RTBDN: variants seen among roughly 807,000 people sequenced by gnomAD.
RTBDN encodes the protein retbindin.
RTBDN carries 24 observed loss-of-function variants against 21.9 expected under a neutral mutation model. That is an observed-to-expected ratio of 1.10 (90% CI 0.79 to 1.54). The LOEUF (loss-of-function observed/expected upper bound fraction) is 1.54, where lower values mean the gene tolerates loss of function less well. RTBDN is among the 40% of genes most tolerant of loss of function. RTBDN has a pLI of 0.00. For missense variants in RTBDN, 325 were observed against 315.2 expected (o/e 1.03, Z -0.23); for synonymous variants, 141 against 125.9 (o/e 1.12, Z -0.80).
Position 12,830,273 on chromosome 19 carries a change from A to T in RTBDN, c.-18-276T>A. On this transcript the variant is annotated intron_variant, in intron 1 of 5. Transcript: ENST00000674343. The surrounding 1 kb of genome is among the most constrained non-coding windows in gnomAD (Gnocchi z 4.2). The stretch of plus-strand genomic sequence containing the variant: ...AGTGGCCCTCCTCCCATCCAGCAGG[A>T]TCTCCCACCTTTTTAGTCTTCAAGA... 8.4e-7 allele frequency: 1 copy of T among 1,189,520 alleles called. No individual in the cohort carries two copies. The allele number at this position is 1,189,520 out of a possible 1,614,324, so 73.7% of individuals were successfully genotyped here.
chr19:12,829,663 T>G, intron 2 of RTBDN, 148 bp downstream of exon 2: 1 of 773,596 alleles, frequency 1.3e-6, no homozygotes, highest in Non-Finnish European at 2.0e-6. Flanking sequence ...GGCAGTCTAA[T>G]TCTTATCCAC....
chr19:12,827,135 A>G (rs1969340363), intron 4 of RTBDN, among the ~76,000 whole-genome samples: 1 of 151,202 alleles, frequency 6.6e-6, no homozygotes, highest in African/African-American at 2.4e-5. Context: ...AGTCCCTCAT[A>G]TTTTCCCACT....
Position 12,830,639 on chromosome 19 carries a change from C to T in RTBDN, c.-18-642G>A, listed in dbSNP as rs1969536583. Reference sequence around the variant, plus strand: ...GTTGGCTGGATTGGGGTCTAGAGGCCGCTAAGACACCTCAGGATCCAGTCC... The same window carrying T: ...GTTGGCTGGATTGGGGTCTAGAGGCTGCTAAGACACCTCAGGATCCAGTCC... On this transcript the variant is annotated intron_variant, in intron 1 of 5. Coordinates refer to ENST00000674343, the MANE Select transcript of RTBDN (RefSeq NM_001270441.2). This position sits in a 1 kb window ranked among gnomAD's most constrained non-coding sequence, Gnocchi z 4.2. 1.0e-6 allele frequency: 1 copy of T among 985,618 alleles called. No individual in the cohort carries two copies. The highest frequency in any genetic ancestry group is 6.1e-5 in the Admixed American group (1 of 16,286). The allele number at this position is 985,618 out of a possible 1,614,324, so 61.1% of individuals were successfully genotyped here. A position where few individuals can be genotyped will look rare whatever the true frequency, so the allele number is the denominator to read the frequency against.
chr19:12,831,315 GC>G (rs1195619404), intron 1 of RTBDN, among the ~76,000 whole-genome samples: 4 of 152,130 alleles, frequency 2.6e-5, no homozygotes, highest in Non-Finnish European at 5.9e-5. Context: ...AATGTGTGTT[GC>G]TTGTGAACAC....
At position 12,830,408 on chromosome 19, in the gene RTBDN, G is replaced by A. The variant is rs141675967; in HGVS notation, c.-18-411C>T. On this transcript the variant is annotated intron_variant, in intron 1 of 5. Coordinates refer to ENST00000674343, the MANE Select transcript of RTBDN (RefSeq NM_001270441.2). The surrounding 1 kb of genome is among the most constrained non-coding windows in gnomAD (Gnocchi z 4.2). ...ATGCGGCCTCCCTCCTCCCTCTCTCGCTCCCTGCCGGCCCTTCTCTGGGTC... is the reference window on the plus strand; with the variant it reads ...ATGCGGCCTCCCTCCTCCCTCTCTCACTCCCTGCCGGCCCTTCTCTGGGTC... 189 of 989,774 alleles carry A rather than the reference G, an allele frequency of 1.9e-4. 2 individuals carry two copies. The African/African-American group carries it at 3.0e-3, about 16-fold the overall frequency. The allele number at this position is 989,774 out of a possible 1,614,324, so 61.3% of individuals were successfully genotyped here.
chr19:12,834,980 C>G, upstream of RTBDN: 1 of 1,556,998 alleles, frequency 6.4e-7, no homozygotes, highest in Middle Eastern at 1.7e-4. This position sits in a 1 kb window ranked among gnomAD's most constrained non-coding sequence, Gnocchi z 4.7. Flanking sequence ...TGGGGCTCAG[C>G]CCCAGGCTTG....
chr19:12,830,168 C>T lies in RTBDN; in HGVS notation c.-18-171G>A. ...ATCCCAGGAGACCATCAGGGCCTGC[C>T]TCCAACCTAGGAGCCCCCCTCCCAT... is the stretch of plus-strand genomic sequence containing the variant. On this transcript the variant is annotated intron_variant, in intron 1 of 5. Transcript: ENST00000674343. The surrounding 1 kb of genome is among the most constrained non-coding windows in gnomAD (Gnocchi z 4.2). 7.7e-7 allele frequency: 1 copy of T among 1,302,934 alleles called. No individual in the cohort carries two copies. The allele number at this position is 1,302,934 out of a possible 1,614,324, so 80.7% of individuals were successfully genotyped here.
At chr19:12,826,036 C>T in intron 5 of RTBDN, 103 bp from the exon 6 acceptor site, 1 of 1,435,778 alleles carries the variant, frequency 7.0e-7, no homozygotes. Flanking sequence ...GGATTGGGGT[C>T]AGAGCCGGAG....
rs1258657120 is a variant in RTBDN at position 12,825,596 on chromosome 19, C to T, written c.*110G>A. 2.0e-5 allele frequency: 29 copies of T among 1,431,224 alleles called. 1 individual carries two copies. The highest frequency in any genetic ancestry group is 2.6e-5 in the Non-Finnish European group (28 of 1,089,078). The allele number at this position is 1,431,224 out of a possible 1,614,324, so 88.7% of individuals were successfully genotyped here. Reference sequence around the variant, plus strand: ...TGGAGCTCCAGGGAGGAGGGACAGACATCTCAAAACTATTACAGAAGGCCG... The same window carrying T: ...TGGAGCTCCAGGGAGGAGGGACAGATATCTCAAAACTATTACAGAAGGCCG... On this transcript the variant is annotated 3_prime_UTR_variant, in exon 6 of 6. Transcript: ENST00000674343.
At chr19:12,826,319 A>G in intron 5 of RTBDN, 1 of 1,218,996 alleles carries the variant, frequency 8.2e-7, no homozygotes, top group Non-Finnish European at 1.0e-6. Flanking sequence ...ACAACCCAGT[A>G]GGAGGTTGGG....
chr19:12,828,557 G>T, intron 4 of RTBDN, 100 bp downstream of exon 4: 1 of 834,892 alleles, frequency 1.2e-6, no homozygotes, highest in Non-Finnish European at 1.9e-6. Flanking sequence ...GGCCCTGTTG[G>T]AGGCCACTCC....
Position 12,830,279 on chromosome 19 carries a change from C to CA in RTBDN, c.-18-283dup. On this transcript the variant is annotated intron_variant, in intron 1 of 5. Transcript: ENST00000674343. This position sits in a 1 kb window ranked among gnomAD's most constrained non-coding sequence, Gnocchi z 4.2. ...CCTCCTCCCATCCAGCAGGATCTCC[C>CA]ACCTTTTTAGTCTTCAAGAGACCCC... is the stretch of plus-strand genomic sequence containing the variant. The CA allele has an allele frequency of 1.7e-6, 2 of 1,180,806 alleles. No homozygotes were observed. Among genetic ancestry groups the CA allele is most frequent in the Non-Finnish European group, 2.1e-6 (2 of 951,850 alleles). The allele number at this position is 1,180,806 out of a possible 1,614,324, so 73.1% of individuals were successfully genotyped here.
chr19:12,831,993 T>G (rs1429232355), intron 1 of RTBDN, among the ~76,000 whole-genome samples: 1 of 152,188 alleles, frequency 6.6e-6, no homozygotes, highest in Non-Finnish European at 1.5e-5. Context: ...TGTATGTCTG[T>G]GTTTCCTAAG....
rs1232778166 is a variant in RTBDN, at chr19:12,828,699, A to C, written c.323T>G (p.Val108Gly). The change falls in exon 4 of 6, where the codon GTA becomes GGA. Residue 108 changes from valine (V) to glycine (G), a missense_variant. By Grantham distance (109) the Val-to-Gly change is moderately radical (BLOSUM62 -3). Coordinates refer to ENST00000674343, the MANE Select transcript of RTBDN (RefSeq NM_001270441.2). ...RSRFRLRLLGVRQAQPLCEEL... is the reference protein window; with the variant it reads ...RSRFRLRLLGGRQAQPLCEEL... ...CTCGCAGAGCGGCTGTGCCTGGCGT[A>C]CCCCCAATAGCCGCAGGCGGAAGCG... 1 of 1,614,160 alleles carries C rather than the reference A, an allele frequency of 6.2e-7. No homozygotes were observed. The highest frequency in any genetic ancestry group is 8.5e-7 in the Non-Finnish European group (1 of 1,180,032).
intron 4 of RTBDN, among the ~76,000 whole-genome samples, 172 bp downstream of exon 4, chr19:12,828,484 GC>G (rs1417149433): frequency 2.0e-5 from 3 of 152,260 alleles, no homozygotes; most frequent in East Asian, 3.8e-4. Flanking sequence ...AAAGCTGGGG[GC>G]TTCTCATGCC....
intron 1 of RTBDN, chr19:12,832,442 C>T (rs1490138886): frequency 6.6e-6 from 1 of 152,212 alleles, no homozygotes; most frequent in Non-Finnish European, 1.5e-5. Flanking sequence ...TGAGGTGGTC[C>T]AGGATGCTTG....
At chr19:12,831,719 CA>C (rs1969581043) in intron 1 of RTBDN, among the ~76,000 whole-genome samples, 1 of 152,022 alleles carries the variant, frequency 6.6e-6, no homozygotes, top group African/African-American at 2.4e-5. Context: ...AACAAACAAA[CA>C]AACAAAAACT....
At position 12,834,450 on chromosome 19, in the gene RTBDN, C is replaced by T; in HGVS notation, c.-19+39G>A. 1 of 1,474,962 alleles carries T rather than the reference C, an allele frequency of 6.8e-7. No individual in the cohort carries two copies. The allele number at this position is 1,474,962 out of a possible 1,614,324, so 91.4% of individuals were successfully genotyped here. On this transcript the variant is annotated intron_variant, in intron 1 of 5. Coordinates refer to ENST00000674343, the MANE Select transcript of RTBDN (RefSeq NM_001270441.2). This position sits in a 1 kb window ranked among gnomAD's most constrained non-coding sequence, Gnocchi z 4.7. ...CTCGCCCCTCACCACCCCAGGAGCC[C>T]CCTCCCGAGGCATAGGACGCCCTGC... is the stretch of plus-strand genomic sequence containing the variant.
At chr19:12,834,856 T>A (rs1410081887), upstream of RTBDN, 7 of 1,613,948 alleles carry the variant, frequency 4.3e-6, no homozygotes, top group Non-Finnish European at 5.9e-6. The surrounding 1 kb of genome is among the most constrained non-coding windows in gnomAD (Gnocchi z 4.7). Flanking sequence ...TCTGAGGGGT[T>A]AGTACGGAAG....
Sources: allele counts gnomAD v4.1 joint callset (sites outside exome capture counted in the v4.1 genomes callset), GRCh38; gene constraint gnomAD v4.1.1; non-coding constraint Gnocchi (gnomAD v3.1); transcripts MANE v1.5; gene names NCBI Gene and HGNC (gene_info 2026-07-23, HGNC 2026-07-21).